CFAP96: variants seen among roughly 807,000 people sequenced by gnomAD.
The protein encoded by CFAP96 is cilia-and flagella-associated protein 96.
the CFAP96 span, among the ~76,000 whole-genome samples, chr4:185,424,835 T>C: frequency 6.6e-6 from 1 of 152,174 alleles, no homozygotes; most frequent in Non-Finnish European, 1.5e-5. Context: ...ACTGGAAAAA[T>C]ACACAACTTC....
the CFAP96 span, among the ~76,000 whole-genome samples, chr4:185,441,195 T>C: frequency 6.6e-6 from 1 of 152,230 alleles, no homozygotes; most frequent in East Asian, 1.9e-4. Flanking sequence ...CAAACCATCT[T>C]TTAGTTTTTG....
chr4:185,444,909 A>AT, the CFAP96 span: 1 of 1,489,430 alleles, frequency 6.7e-7, no homozygotes, highest in Non-Finnish European at 9.1e-7. Context: ...TCACAAGCTA[A>AT]TTTTGTAGAG....
the CFAP96 span, chr4:185,418,646 G>A: frequency 6.2e-7 from 1 of 1,613,970 alleles, no homozygotes; most frequent in Non-Finnish European, 8.5e-7. Flanking sequence ...CAGGAATGGT[G>A]TTTATGTCAC....
the CFAP96 span, among the ~76,000 whole-genome samples, chr4:185,446,352 A>C: frequency 3.1e-4 from 47 of 152,240 alleles, no homozygotes; most frequent in Middle Eastern, 3.4e-3. Context: ...CTGTCTTAAA[A>C]CTTTGATAAT....
At chr4:185,409,976 G>C in the CFAP96 span, among the ~76,000 whole-genome samples, 1 of 152,150 alleles carries the variant, frequency 6.6e-6, no homozygotes, top group Non-Finnish European at 1.5e-5. Flanking sequence ...TGTCAGCCCA[G>C]TGATACTACT....
the CFAP96 span, among the ~76,000 whole-genome samples, chr4:185,420,276 A>C: frequency 6.6e-6 from 1 of 152,076 alleles, no homozygotes; most frequent in African/African-American, 2.4e-5. Flanking sequence ...TTTTTAAAAA[A>C]TATGTTTGAA....
At chr4:185,422,547 A>C in the CFAP96 span, 7 of 1,608,452 alleles carry the variant, frequency 4.4e-6, no homozygotes, top group Non-Finnish European at 5.9e-6. Context: ...GAGTATATCC[A>C]TACTTTCTGA....
the CFAP96 span, chr4:185,422,699 T>G: frequency 1.9e-5 from 13 of 689,394 alleles, no homozygotes; most frequent in African/African-American, 2.0e-4. Flanking sequence ...GTTAATTCCT[T>G]GTTTTATAGA....
chr4:185,415,523 G>A, the CFAP96 span, among the ~76,000 whole-genome samples: 63 of 152,178 alleles, frequency 4.1e-4, no homozygotes, highest in African/African-American at 1.5e-3. Flanking sequence ...GTGGATAAAG[G>A]GAAATCCTCC....
At chr4:185,425,740 C>A in the CFAP96 span, 78 of 1,412,838 alleles carry the variant, frequency 5.5e-5, no homozygotes, top group South Asian at 9.7e-4. Context: ...CCTGCCCACG[C>A]AGCTCGCAGC....
At chr4:185,415,206 T>G in the CFAP96 span, 3 of 1,607,582 alleles carry the variant, frequency 1.9e-6, 1 homozygote, top group Non-Finnish European at 2.5e-6. Context: ...GATATGAAAT[T>G]GTTACAAGAT....
At chr4:185,435,893 A>C in the CFAP96 span, among the ~76,000 whole-genome samples, 2 of 152,112 alleles carry the variant, frequency 1.3e-5, no homozygotes, top group South Asian at 2.1e-4. Flanking sequence ...TCTTATGTCA[A>C]AATCTGTGAC....
At chr4:185,430,200 G>A in the CFAP96 span, among the ~76,000 whole-genome samples, 1 of 151,930 alleles carries the variant, frequency 6.6e-6, no homozygotes, top group Non-Finnish European at 1.5e-5. Flanking sequence ...AATGGCTGAG[G>A]GATTTTTACA....
the CFAP96 span, among the ~76,000 whole-genome samples, chr4:185,413,320 G>A: frequency 4.6e-5 from 7 of 152,210 alleles, no homozygotes; most frequent in East Asian, 5.8e-4. Context: ...CCCAGGAGGC[G>A]GAGGTTGCAG....
At chr4:185,409,008 T>TA in the CFAP96 span, among the ~76,000 whole-genome samples, 1 of 152,188 alleles carries the variant, frequency 6.6e-6, no homozygotes, top group Admixed American at 6.5e-5. Context: ...TCTGCCTACT[T>TA]ACACTAATAT....
the CFAP96 span, among the ~76,000 whole-genome samples, chr4:185,427,023 C>T: frequency 1.3e-5 from 2 of 151,186 alleles, no homozygotes; most frequent in Non-Finnish European, 2.9e-5. Flanking sequence ...AAGACAGCTC[C>T]ACTGCACTCC....
the CFAP96 span, among the ~76,000 whole-genome samples, chr4:185,428,751 G>A: frequency 7.3e-5 from 11 of 151,398 alleles, no homozygotes; most frequent in Middle Eastern, 3.4e-3. Context: ...TTTTGTTCTC[G>A]TTTTTATCTT....
the CFAP96 span, among the ~76,000 whole-genome samples, chr4:185,442,755 G>A: frequency 6.6e-6 from 1 of 152,072 alleles, no homozygotes; most frequent in African/African-American, 2.4e-5. Context: ...AACGTATGCT[G>A]AATTTTATTG....
At chr4:185,445,196 A>G in the CFAP96 span, 4 of 1,302,902 alleles carry the variant, frequency 3.1e-6, no homozygotes, top group Non-Finnish European at 4.2e-6. Context: ...ATACTTCTTC[A>G]AAATAGTATC....
Sources: gnomAD v4.1 joint callset for allele counts (sites outside exome capture counted in the v4.1 genomes callset) on GRCh38, gnomAD v4.1.1 for gene constraint, MANE v1.5 for transcripts, NCBI Gene and HGNC (gene_info 2026-07-23, HGNC 2026-07-21) for gene names.